KHDRBS2: variants seen among roughly 807,000 people sequenced by gnomAD.
KHDRBS2 encodes KH RNA binding domain containing, signal transduction associated 2, also known as KH domain-containing, RNA-binding, signal transduction-associated protein 2.
A neutral mutation model predicts 44.3 loss-of-function variants in KHDRBS2; 26 were observed. The ratio of observed to expected loss-of-function variants is 0.59; its 90% CI spans 0.43 to 0.81. The LOEUF (loss-of-function observed/expected upper bound fraction) is 0.81, where lower values mean the gene tolerates loss of function less well. KHDRBS2 is among the 40% of genes least tolerant of loss of function. KHDRBS2 has a pLI of 0.00. For missense variants in KHDRBS2, 476 were observed against 433.1 expected (o/e 1.10, Z -0.88); for synonymous variants, 194 against 151.1 (o/e 1.28, Z -2.08).
At chr6:62,167,857 G>C (rs1221960975) in intron 2 of KHDRBS2, among the ~76,000 whole-genome samples, 1 of 152,152 alleles carries the variant, frequency 6.6e-6, no homozygotes, top group African/African-American at 2.4e-5. Context: ...TTCCATAGGA[G>C]TCGTAGTTTC....
intron 2 of KHDRBS2, among the ~76,000 whole-genome samples, chr6:62,157,036 T>C (rs1034203906): frequency 5.9e-5 from 9 of 151,310 alleles, no homozygotes; most frequent in Admixed American, 6.6e-5. Flanking sequence ...TCCATTAGGT[T>C]AAATATAATA....
At chr6:61,550,342 TTC>T in the KHDRBS2 span, among the ~76,000 whole-genome samples, 1 of 152,150 alleles carries the variant, frequency 6.6e-6, no homozygotes, top group Non-Finnish European at 1.5e-5. Context: ...TATCGTCCAG[TTC>T]TGTCTATGTT....
At chr6:61,893,956 C>T (rs1046038289) in intron 6 of KHDRBS2, among the ~76,000 whole-genome samples, 2 of 151,838 alleles carry the variant, frequency 1.3e-5, no homozygotes, top group East Asian at 1.9e-4. Flanking sequence ...AGTAAATTTT[C>T]CCTTTTTACA....
chr6:62,239,150 G>A (rs116657008), intron 1 of KHDRBS2, among the ~76,000 whole-genome samples: 4 of 152,190 alleles, frequency 2.6e-5, no homozygotes, highest in Admixed American at 1.3e-4. Context: ...TTATCATAGT[G>A]ATATTGTTGT....
At chr6:61,654,638 A>G in the KHDRBS2 span, among the ~76,000 whole-genome samples, 1 of 151,026 alleles carries the variant, frequency 6.6e-6, no homozygotes. Flanking sequence ...AGAAACCAAT[A>G]GAGAAAAGGT....
chr6:61,899,941 T>C (rs898069192), intron 5 of KHDRBS2, among the ~76,000 whole-genome samples: 2 of 152,086 alleles, frequency 1.3e-5, no homozygotes, highest in Non-Finnish European at 2.9e-5. Context: ...CAAGATGAGA[T>C]TAGAAATGTA....
chr6:62,078,528 T>C (rs1796781618), intron 2 of KHDRBS2, among the ~76,000 whole-genome samples: 1 of 152,080 alleles, frequency 6.6e-6, no homozygotes, highest in East Asian at 1.9e-4. Context: ...AAGATAAAAA[T>C]ACTGATTACT....
the KHDRBS2 span, among the ~76,000 whole-genome samples, chr6:61,560,447 TC>T: frequency 6.6e-6 from 1 of 152,190 alleles, no homozygotes; most frequent in African/African-American, 2.4e-5. Flanking sequence ...TTAGGTTTAC[TC>T]CTTTGAGGCT....
intron 3 of KHDRBS2, among the ~76,000 whole-genome samples, chr6:61,986,565 GAA>G (rs1400599220): frequency 1.3e-5 from 2 of 152,010 alleles, no homozygotes; most frequent in Admixed American, 6.6e-5. Flanking sequence ...GAAAGATAAG[GAA>G]AAATAAACAT....
At chr6:62,000,251 T>C (rs1370648610) in intron 3 of KHDRBS2, among the ~76,000 whole-genome samples, 1 of 152,162 alleles carries the variant, frequency 6.6e-6, no homozygotes, top group Non-Finnish European at 1.5e-5. Context: ...GATAGGCAGA[T>C]ATGCAGAAGA....
At chr6:61,828,819 C>T (rs905300077) in intron 6 of KHDRBS2, among the ~76,000 whole-genome samples, 1 of 152,158 alleles carries the variant, frequency 6.6e-6, no homozygotes, top group African/African-American at 2.4e-5. Context: ...TATATTTTTG[C>T]TATTTTTCAT....
At chr6:61,755,586 C>T (rs535157441) in intron 6 of KHDRBS2, among the ~76,000 whole-genome samples, 32 of 151,868 alleles carry the variant, frequency 2.1e-4, no homozygotes, top group African/African-American at 5.6e-4. Flanking sequence ...CTGAGATGGG[C>T]GGGTCATGGG....
chr6:62,073,609 A>C (rs971759360), intron 2 of KHDRBS2, among the ~76,000 whole-genome samples: 3 of 98,384 alleles, frequency 3.0e-5, no homozygotes, highest in Admixed American at 1.1e-4. Flanking sequence ...CTTTGGTTCT[A>C]GTTTATTTTT....
chr6:61,753,702 T>C (rs540566181), intron 6 of KHDRBS2, among the ~76,000 whole-genome samples: 1 of 152,302 alleles, frequency 6.6e-6, no homozygotes, highest in South Asian at 2.1e-4. Flanking sequence ...TACCCACATC[T>C]ACAATTAATG....
chr6:62,044,851 G>A (rs1435907543), intron 3 of KHDRBS2, among the ~76,000 whole-genome samples: 1 of 152,094 alleles, frequency 6.6e-6, no homozygotes, highest in Non-Finnish European at 1.5e-5. Context: ...GATTCTGAGA[G>A]GCCTGCCTAA....
chr6:61,753,748 A>G (rs915708292), intron 6 of KHDRBS2, among the ~76,000 whole-genome samples: 12 of 152,156 alleles, frequency 7.9e-5, no homozygotes, highest in Non-Finnish European at 1.8e-4. Context: ...TAATAATGGC[A>G]TGAATGGTTA....
intron 4 of KHDRBS2, among the ~76,000 whole-genome samples, chr6:61,921,272 G>A (rs1032592825): frequency 3.3e-5 from 5 of 151,856 alleles, no homozygotes; most frequent in African/African-American, 4.8e-5. Flanking sequence ...CAGAATAAAT[G>A]CTAAATTGTA....
At chr6:62,063,278 A>C (rs1317109353) in intron 2 of KHDRBS2, among the ~76,000 whole-genome samples, 1 of 149,928 alleles carries the variant, frequency 6.7e-6, no homozygotes, top group Non-Finnish European at 1.5e-5. Flanking sequence ...AACTCATTTT[A>C]TGAGGCCAGC....
At chr6:62,136,143 C>A (rs542550001) in intron 2 of KHDRBS2, among the ~76,000 whole-genome samples, 7 of 151,760 alleles carry the variant, frequency 4.6e-5, no homozygotes, top group Admixed American at 3.9e-4. Flanking sequence ...GTAACCACTT[C>A]ATTGTGCATA....
Sources: gnomAD v4.1 joint callset for allele counts (sites outside exome capture counted in the v4.1 genomes callset) on GRCh38, gnomAD v4.1.1 for gene constraint, MANE v1.5 for transcripts, NCBI Gene and HGNC (gene_info 2026-07-23, HGNC 2026-07-21) for gene names.